The following SMAD7 variants were observed in gnomAD, a reference collection of about 807,000 sequenced individuals.
The protein encoded by SMAD7 is MAD (mothers against decapentaplegic, Drosophila) homolog 7.
Under a neutral mutation model 38.7 loss-of-function variants are expected in SMAD7, and 8 were observed. The ratio of observed to expected loss-of-function variants is 0.21; its 90% CI spans 0.12 to 0.37. The LOEUF (loss-of-function observed/expected upper bound fraction) is 0.37, where lower values mean the gene tolerates loss of function less well. Ranked by LOEUF, SMAD7 falls within the 10% of genes least tolerant of loss-of-function variation. The pLI is 1.00. For missense variants in SMAD7, 477 were observed against 577.9 expected (o/e 0.83, Z 1.79); for synonymous variants, 327 against 265.1 (o/e 1.23, Z -2.27).
chr18:48,941,342 A>AT (rs2070137267), intron 3 of SMAD7, among the ~76,000 whole-genome samples: 1 of 152,228 alleles, frequency 6.6e-6, no homozygotes, highest in Non-Finnish European at 1.5e-5. Flanking sequence ...TATTGCATTG[A>AT]AATGAAAACA....
At chr18:48,938,351 T>C (rs999706292) in intron 3 of SMAD7, among the ~76,000 whole-genome samples, 1 of 152,200 alleles carries the variant, frequency 6.6e-6, no homozygotes, top group African/African-American at 2.4e-5. Flanking sequence ...GTTGGAGGCA[T>C]GGTGCCGGGT....
chr18:48,926,742 C>T (rs1271973425), intron 3 of SMAD7, among the ~76,000 whole-genome samples: 1 of 152,200 alleles, frequency 6.6e-6, no homozygotes, highest in South Asian at 2.1e-4. Flanking sequence ...TCCTCAGGAC[C>T]CAGGCGCCAC....
chr18:48,949,801 C>T lies in SMAD7; in HGVS notation c.613+11G>A. 3 of 1,592,978 alleles carry T rather than the reference C, an allele frequency of 1.9e-6. No individual in the cohort carries two copies. In the African/African-American group the frequency reaches 4.0e-5, roughly 21 times the overall value. On this transcript the variant is annotated intron_variant, in intron 1 of 3. Transcript: ENST00000262158. ...CCGGAAAATGTTGGGGGTAGGGGGACAACTTCTCACCTAGTTCGCAGAGTC... is the reference window on the plus strand; with the variant it reads ...CCGGAAAATGTTGGGGGTAGGGGGATAACTTCTCACCTAGTTCGCAGAGTC...
intron 3 of SMAD7, among the ~76,000 whole-genome samples, chr18:48,928,575 C>T (rs903136514): frequency 2.0e-5 from 3 of 152,094 alleles, no homozygotes; most frequent in Non-Finnish European, 4.4e-5. Flanking sequence ...CACTGTCTGC[C>T]CAGGCTTGGT....
chr18:48,937,219 T>C (rs1485661871), intron 3 of SMAD7, among the ~76,000 whole-genome samples: 1 of 151,570 alleles, frequency 6.6e-6, no homozygotes, highest in Non-Finnish European at 1.5e-5. Flanking sequence ...GTCCCATAGG[T>C]GTACAAGTCT....
At chr18:48,943,460 C>A (rs933518555) in intron 2 of SMAD7, among the ~76,000 whole-genome samples, 1 of 152,202 alleles carries the variant, frequency 6.6e-6, no homozygotes, top group Admixed American at 6.5e-5. Flanking sequence ...TCTCCACAAC[C>A]GCCCTCCAAG....
chr18:48,931,427 G>T (rs777309936), intron 3 of SMAD7, among the ~76,000 whole-genome samples: 19 of 152,284 alleles, frequency 1.2e-4, no homozygotes, highest in Middle Eastern at 3.4e-3. Context: ...GGGATTCCAC[G>T]GGTGGGACTG....
At chr18:48,945,027 T>C (rs1339492483) in intron 2 of SMAD7, among the ~76,000 whole-genome samples, 3 of 152,208 alleles carry the variant, frequency 2.0e-5, no homozygotes, top group Non-Finnish European at 2.9e-5. Context: ...AGTCCCACGA[T>C]AGTCTCAGCA....
chr18:48,921,837 T>C lies in SMAD7; in HGVS notation c.816A>G (p.Arg272=). Residue 272 remains arginine, a synonymous_variant, in exon 4 of 4, where the codon AGA becomes AGG. Coordinates refer to ENST00000262158, the MANE Select transcript of SMAD7 (RefSeq NM_005904.4). This position sits in a 1 kb window ranked among gnomAD's most constrained non-coding sequence, Gnocchi z 6.4. ...CCTGGACACAGTAGAGCCTCCCCAC[T>C]CTCGTCTTCTCCTCCCAGTATGCCA... is the stretch of plus-strand genomic sequence containing the variant. ...CVVAYWEEKT[R]VGRLYCVQEP... 6.2e-7 allele frequency: 1 copy of C among 1,613,756 alleles called. No homozygotes were observed. Among genetic ancestry groups the C allele is most frequent in the Non-Finnish European group, 8.5e-7 (1 of 1,179,954 alleles).
chr18:48,935,632 G>A (rs1196674744), intron 3 of SMAD7, among the ~76,000 whole-genome samples: 3 of 152,182 alleles, frequency 2.0e-5, no homozygotes, highest in Non-Finnish European at 2.9e-5. Flanking sequence ...GGGGGACCCC[G>A]CAGAGTGAGA....
intron 2 of SMAD7, among the ~76,000 whole-genome samples, chr18:48,946,053 A>G (rs557438702): frequency 1.3e-5 from 2 of 152,332 alleles, no homozygotes; most frequent in Non-Finnish European, 2.9e-5. Context: ...AAATTATAGC[A>G]AAATGGAGTT....
chr18:48,937,755 A>C (rs1405918450), intron 3 of SMAD7, among the ~76,000 whole-genome samples: 1 of 152,188 alleles, frequency 6.6e-6, no homozygotes, highest in Non-Finnish European at 1.5e-5. Flanking sequence ...AGTGGCCTGC[A>C]GGGTACTAAG....
At chr18:48,929,569 T>TCTCTCTCTCACACACACACACACA (rs3082710) in intron 3 of SMAD7, among the ~76,000 whole-genome samples, 1 of 114,626 alleles carries the variant, frequency 8.7e-6, no homozygotes, top group Non-Finnish European at 1.8e-5. Flanking sequence ...TCTCTCTCTC[T>TCTCTCTCTCACACACACACACACA]CACTCACACA....
intron 2 of SMAD7, among the ~76,000 whole-genome samples, chr18:48,943,787 C>A (rs767175997): frequency 3.9e-5 from 6 of 152,108 alleles, no homozygotes; most frequent in Non-Finnish European, 8.8e-5. Context: ...CCATGGGAAT[C>A]CTTTAGTGGC....
At chr18:48,936,906 CCT>C (rs2070073940) in intron 3 of SMAD7, among the ~76,000 whole-genome samples, 1 of 151,960 alleles carries the variant, frequency 6.6e-6, no homozygotes. Flanking sequence ...ATGGCAAAAC[CCT>C]CTCTCTACAA....
At chr18:48,948,198 C>T (rs1302692961) in intron 2 of SMAD7, among the ~76,000 whole-genome samples, 186 bp downstream of exon 2, 1 of 152,206 alleles carries the variant, frequency 6.6e-6, no homozygotes, top group Non-Finnish European at 1.5e-5. Context: ...AAGGGAACGT[C>T]TTTGCAAAAA....
At chr18:48,944,802 C>T (rs1022676804) in intron 2 of SMAD7, among the ~76,000 whole-genome samples, 1 of 152,186 alleles carries the variant, frequency 6.6e-6, no homozygotes, top group Non-Finnish European at 1.5e-5. Flanking sequence ...CGCCTGTTCC[C>T]CAGAGCCCAG....
intron 3 of SMAD7, among the ~76,000 whole-genome samples, chr18:48,928,868 G>A (rs532638118): frequency 2.6e-5 from 4 of 152,106 alleles, no homozygotes; most frequent in South Asian, 2.1e-4. Flanking sequence ...AGGGTGGCAC[G>A]GGGCAGGGGA....
intron 3 of SMAD7, among the ~76,000 whole-genome samples, chr18:48,937,853 A>G (rs79056023): frequency 0.054 from 8,221 of 152,234 alleles, 319 homozygotes; most frequent in East Asian, 0.13. Context: ...ATTTGGATGA[A>G]AGGCCCACAT....
Sources: gnomAD v4.1 joint callset for allele counts (sites outside exome capture counted in the v4.1 genomes callset) on GRCh38, gnomAD v4.1.1 for gene constraint, Gnocchi (gnomAD v3.1) non-coding constraint, MANE v1.5 for transcripts, NCBI Gene and HGNC (gene_info 2026-07-23, HGNC 2026-07-21) for gene names.